Variants in VPS13D observed in about 807,000 individuals in gnomAD.
VPS13D encodes vacuolar protein sorting 13 homolog D, also known as intermembrane lipid transfer protein VPS13D.
A neutral mutation model predicts 461.9 loss-of-function variants in VPS13D; 187 were observed. The ratio of observed to expected loss-of-function variants is 0.40; its 90% confidence interval spans 0.36 to 0.46. VPS13D has a LOEUF of 0.46. Ranked by LOEUF, VPS13D falls within the 20% of genes least tolerant of loss-of-function variation. The pLI is 0.60. For missense variants in VPS13D, 4,711 were observed against 5,364.9 expected (o/e 0.88, Z 3.81); for synonymous variants, 1,951 against 1,986.3 (o/e 0.98, Z 0.47).
chr1:12,452,556 C>A (rs1645276266), intron 65 of VPS13D, among the ~76,000 whole-genome samples: 1 of 152,234 alleles, frequency 6.6e-6, no homozygotes, highest in Admixed American at 6.5e-5. Context: ...GACTTACCTT[C>A]CCACTGAGGT....
Position 12,318,197 on chromosome 1 carries a change from A to G in VPS13D, c.7274A>G (p.His2425Arg), listed in dbSNP as rs532403969. The G allele has an allele frequency of 3.7e-6, 6 of 1,614,228 alleles. No homozygotes were observed. The highest frequency in any genetic ancestry group is 3.4e-6 in the Non-Finnish European group (4 of 1,180,040). ...CCCAGTGATATTAAGAAACAAAATC[A>G]TGTTACTCCTTCTCGCCACCGTAAC... Reference protein sequence around the residue: ...HTPSDIKKQNHVTPSRHRNSS... With the variant: ...HTPSDIKKQNRVTPSRHRNSS... The change falls in exon 31 of 70, where the codon CAT (histidine) becomes CGT (arginine). Residue 2425 changes from histidine (H) to arginine (R), a missense_variant. His to Arg is a conservative substitution (Grantham distance 29, BLOSUM62 0). Coordinates refer to ENST00000620676, the MANE Select transcript of VPS13D (RefSeq NM_015378.4).
intron 43 of VPS13D, 125 bp downstream of exon 43, chr1:12,345,634 G>A (rs1186867185): frequency 6.7e-5 from 88 of 1,320,382 alleles, no homozygotes; most frequent in Non-Finnish European, 8.4e-5. Flanking sequence ...AGGACTGACT[G>A]GGTCAGTCAT....
intron 64 of VPS13D, 90 bp downstream of exon 64, chr1:12,415,311 T>G: frequency 6.5e-7 from 1 of 1,533,646 alleles, no homozygotes; most frequent in Non-Finnish European, 9.0e-7. Flanking sequence ...GGCATTACTA[T>G]TGAGAACCCA....
intron 54 of VPS13D, among the ~76,000 whole-genome samples, chr1:12,370,845 G>A (rs971473140): frequency 6.6e-6 from 1 of 152,136 alleles, no homozygotes; most frequent in Admixed American, 6.5e-5. Flanking sequence ...AAGAATCCTA[G>A]TGGAGGATTA....
intron 34 of VPS13D, among the ~76,000 whole-genome samples, chr1:12,323,448 G>A (rs915898559): frequency 6.6e-6 from 1 of 151,994 alleles, no homozygotes; most frequent in Non-Finnish European, 1.5e-5. Flanking sequence ...GAAGGGGCCA[G>A]ATGCGAAATA....
In VPS13D at chr1:12,315,880, G is replaced by T. The variant is rs142419687; in HGVS notation, c.7148+1553G>T. 4.5e-3 allele frequency among the ~76,000 whole-genome samples: 690 copies of T among 151,896 alleles called. 3 individuals carry two copies. Among genetic ancestry groups the T allele is most frequent in the African/African-American group, 0.016 (665 of 41,400 alleles). On this transcript the variant is annotated intron_variant, in intron 30 of 69. Coordinates refer to ENST00000620676, the MANE Select transcript of VPS13D (RefSeq NM_015378.4). ...CGCCTAGGCTGGAGTGCAGTGGCAC[G>T]ATCTCAGCTCACTGCAACCTCCGCC...
At chr1:12,253,456 G>T (rs1037682816) in intron 6 of VPS13D, among the ~76,000 whole-genome samples, 4 of 152,278 alleles carry the variant, frequency 2.6e-5, no homozygotes, top group African/African-American at 9.6e-5. Context: ...TTTGCACAGT[G>T]ACGTTTTCTT....
intron 44 of VPS13D, among the ~76,000 whole-genome samples, chr1:12,348,306 A>G (rs1374070432): frequency 1.3e-5 from 2 of 152,218 alleles, no homozygotes; most frequent in Non-Finnish European, 2.9e-5. Flanking sequence ...TAAATCATTT[A>G]ATGTTTTGCA....
At chr1:12,493,786 A>G (rs1645920508) in intron 67 of VPS13D, among the ~76,000 whole-genome samples, 1 of 152,206 alleles carries the variant, frequency 6.6e-6, no homozygotes, top group South Asian at 2.1e-4. Flanking sequence ...TTATTTTAGT[A>G]ATTCTTTAAG....
At chr1:12,481,976 C>T (rs1219469068) in intron 67 of VPS13D, among the ~76,000 whole-genome samples, 1 of 152,206 alleles carries the variant, frequency 6.6e-6, no homozygotes, top group Admixed American at 6.5e-5. Flanking sequence ...TTGGGACCAG[C>T]CAGCCCTTCC....
chr1:12,314,852 T>C (rs2101509464), intron 30 of VPS13D, among the ~76,000 whole-genome samples: 1 of 152,386 alleles, frequency 6.6e-6, no homozygotes, highest in South Asian at 2.1e-4. Context: ...CAGACAGATC[T>C]GGGCTGAAAA....
At chr1:12,349,398 A>G (rs377511312) in intron 46 of VPS13D, 24 bp downstream of exon 46, 37 of 1,602,126 alleles carry the variant, frequency 2.3e-5, no homozygotes, top group Admixed American at 3.4e-5. Context: ...CTGCAGTGAC[A>G]TGTCACTTTT....
At chr1:12,489,084 A>G (rs570197766) in intron 67 of VPS13D, among the ~76,000 whole-genome samples, 2 of 152,314 alleles carry the variant, frequency 1.3e-5, no homozygotes, top group Admixed American at 6.5e-5. Context: ...TTACTATAAC[A>G]TGATCTATTT....
intron 65 of VPS13D, among the ~76,000 whole-genome samples, chr1:12,429,752 C>T (rs1303261439): frequency 6.6e-6 from 1 of 152,208 alleles, no homozygotes; most frequent in African/African-American, 2.4e-5. Context: ...AGGTCTAGCA[C>T]AGCACTGGGG....
intron 67 of VPS13D, among the ~76,000 whole-genome samples, chr1:12,469,026 C>A (rs1254467374): frequency 2.0e-5 from 3 of 151,028 alleles, no homozygotes; most frequent in Non-Finnish European, 4.4e-5. Context: ...GGGAGTGAAA[C>A]CCTGTCTCAA....
At position 12,249,295 on chromosome 1, in the gene VPS13D, A is replaced by G. The variant is rs189066033; in HGVS notation, c.520A>G (p.Ile174Val). The G allele has an allele frequency of 6.2e-7, 1 of 1,614,010 alleles. No individual in the cohort carries two copies. The highest frequency in any genetic ancestry group is 2.2e-5 in the East Asian group (1 of 44,866). Residue 174 changes from isoleucine to valine, a missense_variant, in exon 6 of 70, where the codon ATC (isoleucine) becomes GTC (valine). Ile to Val is a conservative substitution (Grantham distance 29). Coordinates refer to ENST00000620676, the MANE Select transcript of VPS13D (RefSeq NM_015378.4). ...TCCCTCCCATCCTTTTGCTTTTGGC[A>G]TCTGCATTAAGAATGTGTCCATGCA... ...TNPSHPFAFG[I>V]CIKNVSMQNA...
chr1:12,262,515 A>G (rs770795223), intron 13 of VPS13D, among the ~76,000 whole-genome samples: 37 of 152,182 alleles, frequency 2.4e-4, no homozygotes, highest in Non-Finnish European at 4.3e-4. Context: ...ACAGTGAGCC[A>G]CAGCTCCCAG....
intron 65 of VPS13D, among the ~76,000 whole-genome samples, chr1:12,419,708 C>T (rs1337673646): frequency 1.3e-5 from 2 of 152,170 alleles, no homozygotes; most frequent in Non-Finnish European, 2.9e-5. Flanking sequence ...CACATACCTC[C>T]CACCAGGTCC....
intron 10 of VPS13D, among the ~76,000 whole-genome samples, chr1:12,258,852 G>C (rs1557669008): frequency 6.6e-6 from 1 of 152,184 alleles, no homozygotes; most frequent in Non-Finnish European, 1.5e-5. Context: ...AGCACCTGCT[G>C]TGTGGTCAGT....
Sources: allele counts gnomAD v4.1 joint callset (sites outside exome capture counted in the v4.1 genomes callset), GRCh38; gene constraint gnomAD v4.1.1; transcripts MANE v1.5; gene names NCBI Gene and HGNC (gene_info 2026-07-23, HGNC 2026-07-21).